The following NOL4 variants were observed in gnomAD, a reference collection of about 807,000 sequenced individuals.
NOL4 encodes nucleolar protein 4.
A neutral mutation model predicts 75.9 loss-of-function variants in NOL4; 17 were observed. The ratio of observed to expected loss-of-function variants is 0.22; its 90% confidence interval spans 0.15 to 0.34. The LOEUF (loss-of-function observed/expected upper bound fraction) is 0.34, where lower values mean the gene tolerates loss of function less well. NOL4 is among the 10% of genes least tolerant of loss of function. The pLI is 1.00. For synonymous variants in NOL4, 292 were observed against 289.9 expected (o/e 1.01, Z -0.07); for missense variants, 614 against 793.5 (o/e 0.77, Z 2.72).
chr18:34,205,268 G>C (rs1020142848), intron 1 of NOL4, among the ~76,000 whole-genome samples: 2 of 152,076 alleles, frequency 1.3e-5, no homozygotes, highest in African/African-American at 4.8e-5. Context: ...CACTTTAAAT[G>C]ATATAACAAT....
At chr18:34,063,720 T>A (rs2077155074) in intron 5 of NOL4, among the ~76,000 whole-genome samples, 2 of 152,054 alleles carry the variant, frequency 1.3e-5, no homozygotes, top group Admixed American at 1.3e-4. Flanking sequence ...TCTTTATAAA[T>A]CATGATGTGA....
intron 5 of NOL4, among the ~76,000 whole-genome samples, chr18:34,057,707 T>C (rs1318595394): frequency 2.6e-5 from 4 of 152,190 alleles, no homozygotes; most frequent in Non-Finnish European, 5.9e-5. Context: ...CTGAAGGAAG[T>C]TGCACTTGAA....
intron 9 of NOL4, among the ~76,000 whole-genome samples, chr18:33,908,541 T>C (rs947001707): frequency 6.6e-6 from 1 of 152,156 alleles, no homozygotes; most frequent in South Asian, 2.1e-4. Context: ...AGTCATAAAA[T>C]TGTGATCTTA....
intron 5 of NOL4, among the ~76,000 whole-genome samples, chr18:34,049,596 C>T (rs558766948): frequency 6.6e-6 from 1 of 152,044 alleles, no homozygotes; most frequent in Non-Finnish European, 1.5e-5. Context: ...CTCAATCACT[C>T]TGATTCAGGT....
At position 34,067,022 on chromosome 18, in the gene NOL4, T is replaced by C. The variant is rs868499028; in HGVS notation, c.772+26443A>G. Reference sequence around the variant, plus strand: ...CATACAGAAAATAGAAAATATATTTTTTCATCCTACTTATATTCCAATGGG... The same window carrying C: ...CATACAGAAAATAGAAAATATATTTCTTCATCCTACTTATATTCCAATGGG... On this transcript the variant is annotated intron_variant, in intron 5 of 10. Coordinates refer to ENST00000261592, the MANE Select transcript of NOL4 (RefSeq NM_003787.5). Among the ~76,000 whole-genome samples the C allele has an allele frequency of 4.6e-5, 7 of 152,246 alleles. No homozygotes were observed. The Middle Eastern group carries it at 0.014, about 296-fold the overall frequency.
intron 6 of NOL4, among the ~76,000 whole-genome samples, chr18:33,992,393 C>T (rs942867628): frequency 6.6e-6 from 1 of 151,956 alleles, no homozygotes; most frequent in African/African-American, 2.4e-5. Context: ...TCTGTAGACC[C>T]ATACCTCAGC....
intron 6 of NOL4, among the ~76,000 whole-genome samples, chr18:33,988,536 T>G (rs2072661620): frequency 6.6e-6 from 1 of 152,090 alleles, no homozygotes; most frequent in African/African-American, 2.4e-5. Context: ...CTCATGGGCA[T>G]GAGATTCTTT....
chr18:33,931,934 A>C (rs2067720682), intron 9 of NOL4, among the ~76,000 whole-genome samples: 1 of 152,058 alleles, frequency 6.6e-6, no homozygotes, highest in Non-Finnish European at 1.5e-5. Flanking sequence ...ATGCAAATCA[A>C]GAAAATATTG....
intron 5 of NOL4, among the ~76,000 whole-genome samples, chr18:34,068,487 A>T (rs953385655): frequency 6.6e-6 from 1 of 151,824 alleles, no homozygotes; most frequent in South Asian, 2.1e-4. Context: ...GCAACCTCCA[A>T]CTCCCTGGTT....
intron 6 of NOL4, among the ~76,000 whole-genome samples, chr18:33,986,338 C>T (rs2072453421): frequency 6.6e-6 from 1 of 152,008 alleles, no homozygotes; most frequent in Admixed American, 6.6e-5. Flanking sequence ...GTAAAGGTGT[C>T]AATTTACATG....
At chr18:34,141,004 T>C (rs1308601092) in intron 1 of NOL4, among the ~76,000 whole-genome samples, 1 of 152,074 alleles carries the variant, frequency 6.6e-6, no homozygotes, top group Non-Finnish European at 1.5e-5. Flanking sequence ...ACAAAATCAA[T>C]GTGCAAAAAT....
chr18:34,041,204 G>A (rs980218824), intron 5 of NOL4, among the ~76,000 whole-genome samples: 2 of 151,870 alleles, frequency 1.3e-5, no homozygotes, highest in African/African-American at 2.4e-5. Context: ...AAGACAGGAT[G>A]AGCCACTAAG....
Position 34,111,706 on chromosome 18 carries a change from A to T in NOL4, c.415-6546T>A, listed in dbSNP as rs80324989. On this transcript the variant is annotated intron_variant, in intron 2 of 10. Transcript: ENST00000261592. ...GAATCGGCATTTCCCTAAAGAAAAC[A>T]TACAAATGGCTAACAGGTATATGAA... Among the ~76,000 whole-genome samples the T allele has an allele frequency of 2.3e-3, 349 of 152,352 alleles. 1 individual carries two copies. The highest frequency in any genetic ancestry group is 8.0e-3 in the African/African-American group (332 of 41,586).
chr18:34,135,663 A>T (rs968713688), intron 1 of NOL4, among the ~76,000 whole-genome samples: 1 of 116,364 alleles, frequency 8.6e-6, no homozygotes, highest in Non-Finnish European at 1.6e-5. Context: ...ACACCACTGC[A>T]CTCCAGCCTG....
intron 5 of NOL4, among the ~76,000 whole-genome samples, chr18:34,083,968 C>G (rs960640323): frequency 6.6e-6 from 1 of 152,196 alleles, no homozygotes; most frequent in Non-Finnish European, 1.5e-5. Flanking sequence ...CTCTATTCAC[C>G]TGGGTCCCTC....
chr18:34,049,212 T>A (rs189885977), intron 5 of NOL4, among the ~76,000 whole-genome samples: 1 of 151,644 alleles, frequency 6.6e-6, no homozygotes, highest in South Asian at 2.1e-4. Context: ...TGCAGCCACA[T>A]TTTGCATACA....
At chr18:33,987,328 G>T (rs2072541147) in intron 6 of NOL4, among the ~76,000 whole-genome samples, 1 of 152,090 alleles carries the variant, frequency 6.6e-6, no homozygotes, top group Non-Finnish European at 1.5e-5. Context: ...AAGCTTCACA[G>T]AAGCATGCCA....
intron 6 of NOL4, among the ~76,000 whole-genome samples, chr18:34,010,533 T>C (rs1465222529): frequency 6.6e-6 from 1 of 151,928 alleles, no homozygotes; most frequent in East Asian, 1.9e-4. Flanking sequence ...TTTATAAAAA[T>C]ACGATTTATA....
At chr18:33,979,127 A>G (rs1293434879) in intron 6 of NOL4, among the ~76,000 whole-genome samples, 1 of 152,088 alleles carries the variant, frequency 6.6e-6, no homozygotes, top group Non-Finnish European at 1.5e-5. Flanking sequence ...TTGGTTTTTA[A>G]TATATAAAAC....
Sources: gnomAD v4.1 joint callset for allele counts (sites outside exome capture counted in the v4.1 genomes callset) on GRCh38, gnomAD v4.1.1 for gene constraint, MANE v1.5 for transcripts, NCBI Gene and HGNC (gene_info 2026-07-23, HGNC 2026-07-21) for gene names.